The following CDK13 variants were observed in gnomAD, a reference collection of about 807,000 sequenced individuals.
CDK13 encodes the protein cyclin-dependent kinase 13.
Under a neutral mutation model 137.6 loss-of-function variants are expected in CDK13, and 40 were observed. That is an observed-to-expected ratio of 0.29 (90% CI 0.23 to 0.38). The LOEUF is 0.38. Among genes scored for constraint, CDK13 ranks in the 10% least tolerant of loss-of-function variants. The pLI is 1.00. For missense variants in CDK13, 1,704 were observed against 1,951.8 expected, an observed-to-expected ratio of 0.87 and a Z score of 2.39; for synonymous variants, 869 against 760.1, an observed-to-expected ratio of 1.14 and a Z score of -2.36.
chr7:40,009,023 A>C (rs1784845641), intron 5 of CDK13, among the ~76,000 whole-genome samples: 1 of 152,196 alleles, frequency 6.6e-6, no homozygotes, highest in African/African-American at 2.4e-5. Flanking sequence ...AGAAAGAAGA[A>C]TGTTAATGTG....
In CDK13 at chr7:39,975,961, C is replaced by T. The variant is rs550441213; in HGVS notation, c.1212-11638C>T. ...CAACCTGTAACAAGTACTGTGTGAT[C>T]AGCAAATAGGGAAGTGATAGAGATG... On this transcript the variant is annotated intron_variant, in intron 1 of 13. Coordinates refer to ENST00000181839, the MANE Select transcript of CDK13 (RefSeq NM_003718.5). Among the ~76,000 whole-genome samples the T allele has an allele frequency of 4.6e-5, 7 of 152,186 alleles. No individual in the cohort carries two copies. The South Asian group carries it at 1.5e-3, about 32-fold the overall frequency.
chr7:40,031,844 T>C lies in CDK13; in HGVS notation c.2354-13992T>C, dbSNP rs940955421. Among the ~76,000 whole-genome samples the C allele has an allele frequency of 4.1e-5, 6 of 146,958 alleles. No individual in the cohort carries two copies. The South Asian group carries it at 8.5e-4, about 21-fold the overall frequency. On this transcript the variant is annotated intron_variant, in intron 5 of 13. Coordinates refer to ENST00000181839, the MANE Select transcript of CDK13 (RefSeq NM_003718.5). ...ATTATTATTGTTATTATTATTATTA[T>C]TATTATTATTATTATTATTATTGGG... is the stretch of plus-strand genomic sequence containing the variant.
intron 5 of CDK13, among the ~76,000 whole-genome samples, chr7:40,004,801 TA>T (rs1369189478): frequency 6.6e-6 from 1 of 152,212 alleles, no homozygotes; most frequent in Non-Finnish European, 1.5e-5. Context: ...AAAAATCAAG[TA>T]AAAATATTAA....
At chr7:40,049,266 A>T (rs944288816) in intron 7 of CDK13, 18 of 151,414 alleles carry the variant, frequency 1.2e-4, no homozygotes, top group Admixed American at 1.2e-3. Context: ...AGAGAAAGGA[A>T]AGAAAGTGTT....
At chr7:39,967,658 C>T (rs1474890256) in intron 1 of CDK13, among the ~76,000 whole-genome samples, 1 of 152,074 alleles carries the variant, frequency 6.6e-6, no homozygotes, top group Non-Finnish European at 1.5e-5. Flanking sequence ...TTTGAGGAAC[C>T]TCCATACCAT....
At chr7:39,961,575 C>T (rs139176499) in intron 1 of CDK13, among the ~76,000 whole-genome samples, 4 of 152,122 alleles carry the variant, frequency 2.6e-5, no homozygotes, top group East Asian at 1.9e-4. Context: ...TTCTAGATTC[C>T]ACATATAAGT....
At chr7:39,990,127 G>T (rs1784428281) in intron 2 of CDK13, among the ~76,000 whole-genome samples, 1 of 152,082 alleles carries the variant, frequency 6.6e-6, no homozygotes, top group Non-Finnish European at 1.5e-5. Flanking sequence ...TTTTTACTAG[G>T]TTATTTTCAA....
Position 39,951,718 on chromosome 7 carries a change from G to A in CDK13, c.1077G>A (p.Pro359=). The change falls in exon 1 of 14, where the codon CCG becomes CCA. Residue 359 remains proline, a synonymous_variant. Coordinates refer to ENST00000181839, the MANE Select transcript of CDK13 (RefSeq NM_003718.5). ...ATTCTCGGCGGCTGCCGCGCTCCCC[G>A]AGCCCCTACAGTCGCCGCCGCTCCC... ...SPYSRRLPRS[P]SPYSRRRSPS... The A allele has an allele frequency of 1.4e-6, 2 of 1,473,122 alleles. No homozygotes were observed. The highest frequency in any genetic ancestry group is 1.8e-6 in the Non-Finnish European group (2 of 1,123,242). 91.3% of individuals were successfully genotyped at this position (1,473,122 alleles called of 1,614,324 possible).
chr7:40,089,332 C>T (rs1786863277), intron 12 of CDK13, among the ~76,000 whole-genome samples: 1 of 150,716 alleles, frequency 6.6e-6, no homozygotes, highest in African/African-American at 2.4e-5. Context: ...CCCAGCTACT[C>T]AGGAGGCTCA....
Position 40,088,345 on chromosome 7 carries a change from C to T in CDK13, c.3235+14C>T. On this transcript the variant is annotated intron_variant, in intron 12 of 13. Transcript: ENST00000181839. ...ATGTGGCACCTGGTCAGTAATGCTT[C>T]CATGGGTTGGTTTTCTTCACATTGT... 2.5e-6 allele frequency: 4 copies of T among 1,597,974 alleles called. No homozygotes were observed. Among genetic ancestry groups the T allele is most frequent in the Non-Finnish European group, 8.6e-7 (1 of 1,166,676 alleles).
chr7:40,095,024 T>C lies in CDK13; in HGVS notation c.*44T>C, dbSNP rs774341583. 2 of 1,341,162 alleles carry C rather than the reference T, an allele frequency of 1.5e-6. No homozygotes were observed. The highest frequency in any genetic ancestry group is 2.7e-5 in the East Asian group (1 of 36,894). 83.1% of individuals were successfully genotyped at this position (1,341,162 alleles called of 1,614,324 possible). A position where few individuals can be genotyped will look rare whatever the true frequency, so the allele number is the denominator to read the frequency against. On this transcript the variant is annotated 3_prime_UTR_variant, in exon 14 of 14. Coordinates refer to ENST00000181839, the MANE Select transcript of CDK13 (RefSeq NM_003718.5). ...GCACATCATTTTTATCTGGAAAGAC[T>C]TTTCTAGCTGCAATTTAAGGCAGCA...
Position 39,950,562 on chromosome 7 carries a change from G to T in CDK13, c.-80G>T. 3.1e-6 allele frequency: 4 copies of T among 1,271,016 alleles called. No homozygotes were observed. Among genetic ancestry groups the T allele is most frequent in the Non-Finnish European group, 4.0e-6 (4 of 1,008,912 alleles). The allele number at this position is 1,271,016 out of a possible 1,614,324, so 78.7% of individuals were successfully genotyped here. A position where few individuals can be genotyped will look rare whatever the true frequency, so the allele number is the denominator to read the frequency against. ...TCGGTGTCCCTCCGCCGCCGCTCCC[G>T]TTTCCGGCGGGGGAGATGGCCAGGA... On this transcript the variant is annotated 5_prime_UTR_variant, in exon 1 of 14. Transcript: ENST00000181839.
At chr7:40,082,414 A>G (rs1311853632) in intron 11 of CDK13, among the ~76,000 whole-genome samples, 1 of 129,212 alleles carries the variant, frequency 7.7e-6, no homozygotes, top group Non-Finnish European at 1.6e-5. Context: ...TGAACCTGGG[A>G]GGCAGAGGTT....
At chr7:40,043,625 C>G (rs1364142686) in intron 5 of CDK13, among the ~76,000 whole-genome samples, 2 of 151,898 alleles carry the variant, frequency 1.3e-5, no homozygotes, top group Non-Finnish European at 2.9e-5. Flanking sequence ...CAAGACTAAC[C>G]TGGGTAACAT....
chr7:39,992,126 C>T (rs1260696746), intron 2 of CDK13, among the ~76,000 whole-genome samples: 1 of 150,492 alleles, frequency 6.6e-6, no homozygotes, highest in Non-Finnish European at 1.5e-5. Flanking sequence ...CACAAGCACA[C>T]ACGCTCCATC....
At position 40,075,022 on chromosome 7, in the gene CDK13, C is replaced by G. The variant is rs936772846; in HGVS notation, c.2781-2983C>G. Among the ~76,000 whole-genome samples, 9 of 151,946 alleles carry G rather than the reference C, an allele frequency of 5.9e-5. No individual in the cohort carries two copies. The South Asian group carries it at 1.7e-3, about 28-fold the overall frequency. On this transcript the variant is annotated intron_variant, in intron 9 of 13. Coordinates refer to ENST00000181839, the MANE Select transcript of CDK13 (RefSeq NM_003718.5). ...GTGGCGGTTGAATCCTAGCAGGATT[C>G]TCTTTTGGAGTGTTATAGTATTGAT...
intron 1 of CDK13, among the ~76,000 whole-genome samples, chr7:39,962,408 G>A (rs1313019813): frequency 6.6e-6 from 1 of 152,206 alleles, no homozygotes; most frequent in African/African-American, 2.4e-5. Context: ...ATCTTTTCAT[G>A]TGTCTTTTGG....
At chr7:39,996,665 G>C (rs558788338) in intron 2 of CDK13, among the ~76,000 whole-genome samples, 10 of 152,180 alleles carry the variant, frequency 6.6e-5, no homozygotes, top group African/African-American at 1.2e-4. Context: ...ATTTCTTACG[G>C]TAAAATGTTT....
chr7:40,093,656 G>C (rs1163524446), intron 13 of CDK13, among the ~76,000 whole-genome samples: 1 of 152,096 alleles, frequency 6.6e-6, no homozygotes, highest in Non-Finnish European at 1.5e-5. Flanking sequence ...TGTAATCCCA[G>C]CACTTTGAGA....
Sources: allele counts gnomAD v4.1 joint callset (sites outside exome capture counted in the v4.1 genomes callset), GRCh38; gene constraint gnomAD v4.1.1; transcripts MANE v1.5; gene names NCBI Gene and HGNC (gene_info 2026-07-23, HGNC 2026-07-21).